Variants in M1AP observed in about 807,000 individuals in gnomAD.
The protein encoded by M1AP is meiosis 1 associated protein, also known as meiosis 1 arrest protein.
A neutral mutation model predicts 51.2 loss-of-function variants in M1AP; 39 were observed. The observed-to-expected ratio is 0.76, with a 90% CI of 0.59 to 1.00. The LOEUF (loss-of-function observed/expected upper bound fraction) is 1.00. M1AP is among the 50% of genes least tolerant of loss of function. M1AP has a pLI of 0.00. For missense variants in M1AP, 545 were observed against 641.2 expected, an observed-to-expected ratio of 0.85 and a Z score of 1.62; for synonymous variants, 251 against 249.2, an observed-to-expected ratio of 1.01 and a Z score of -0.07.
rs1255397746 is a variant in M1AP at position 74,628,651 on chromosome 2, C to T, written c.240+11385G>A. Reference sequence around the variant, plus strand: ...AACACCCAATGGTTCTTTCCATCTTCATCAATGTGACTCCACCAACATAGG... The same window carrying T: ...AACACCCAATGGTTCTTTCCATCTTTATCAATGTGACTCCACCAACATAGG... On this transcript the variant is annotated intron_variant, in intron 2 of 10. Coordinates refer to ENST00000421985, the MANE Select transcript of M1AP (RefSeq NM_001321739.2). 1.1e-5 allele frequency: 8 copies of T among 702,498 alleles called. No individual in the cohort carries two copies. In the East Asian group the frequency reaches 3.6e-4, roughly 32 times the overall value. The allele number at this position is 702,498 out of a possible 1,614,324, so 43.5% of individuals were successfully genotyped here. A position where few individuals can be genotyped will look rare whatever the true frequency, so the allele number is the denominator to read the frequency against.
In M1AP at chr2:74,618,754, T is replaced by C. The variant is rs77151851; in HGVS notation, c.241-3605A>G. On this transcript the variant is annotated intron_variant, in intron 2 of 10. Transcript: ENST00000421985. Reference sequence around the variant, plus strand: ...TATCCCGAAAGTTCACAGGTGCAAATGTGCCAAACCCCAAAGAAGTCTTCA... The same window carrying C: ...TATCCCGAAAGTTCACAGGTGCAAACGTGCCAAACCCCAAAGAAGTCTTCA... 1.3e-5 allele frequency: 3 copies of C among 234,464 alleles called. No homozygotes were observed. The East Asian group carries it at 3.5e-4, about 28-fold the overall frequency. The allele number at this position is 234,464 out of a possible 1,614,324, so 14.5% of individuals were successfully genotyped here.
At chr2:74,599,578 G>A (rs55687263) in intron 4 of M1AP, among the ~76,000 whole-genome samples, 6,077 of 151,972 alleles carry the variant, frequency 0.04, 404 homozygotes, top group African/African-American at 0.14. Context: ...GGCTGTTTCT[G>A]GACTTCTCTA....
chr2:74,577,534 C>T (rs758720760), intron 5 of M1AP, among the ~76,000 whole-genome samples: 8 of 152,150 alleles, frequency 5.3e-5, no homozygotes, highest in Non-Finnish European at 1.0e-4. Context: ...AATGACTGTA[C>T]TAACTGCAAT....
chr2:74,644,408 C>T (rs1396885935), intron 1 of M1AP, among the ~76,000 whole-genome samples: 1 of 152,004 alleles, frequency 6.6e-6, no homozygotes, highest in East Asian at 1.9e-4. Context: ...CGTGGTAGCA[C>T]GCGCTTGTAA....
At chr2:74,602,263 T>C (rs1680720688) in intron 4 of M1AP, among the ~76,000 whole-genome samples, 1 of 152,174 alleles carries the variant, frequency 6.6e-6, no homozygotes, top group Non-Finnish European at 1.5e-5. Context: ...GAATCTACTG[T>C]GTGCCAAGTG....
intron 4 of M1AP, among the ~76,000 whole-genome samples, chr2:74,586,771 C>T (rs1008519357): frequency 3.3e-5 from 5 of 152,052 alleles, no homozygotes; most frequent in East Asian, 1.9e-4. Flanking sequence ...GAGGCTGAGG[C>T]GGGCAGATCA....
intron 7 of M1AP, among the ~76,000 whole-genome samples, chr2:74,563,900 G>A (rs1260019480): frequency 1.3e-5 from 2 of 152,080 alleles, no homozygotes; most frequent in Non-Finnish European, 2.9e-5. Flanking sequence ...TTTTGTGGTA[G>A]CTTTTCAACA....
rs1459749606 is a variant in M1AP, at chr2:74,608,934, T to C, written c.427-1711A>G. 2.0e-5 allele frequency among the ~76,000 whole-genome samples: 3 copies of C among 152,270 alleles called. No homozygotes were observed. In the East Asian group the frequency reaches 5.8e-4, roughly 29 times the overall value. On this transcript the variant is annotated intron_variant, in intron 3 of 10. Coordinates refer to ENST00000421985, the MANE Select transcript of M1AP (RefSeq NM_001321739.2). Reference sequence around the variant, plus strand: ...TGGTCCATTTTTTAAAGTTTTATTTTGTTTTTAATTGACACATAATAATTG... The same window carrying C: ...TGGTCCATTTTTTAAAGTTTTATTTCGTTTTTAATTGACACATAATAATTG...
intron 4 of M1AP, among the ~76,000 whole-genome samples, chr2:74,596,194 C>G (rs1035864997): frequency 1.3e-5 from 2 of 152,112 alleles, no homozygotes; most frequent in Non-Finnish European, 2.9e-5. Flanking sequence ...AGACATAAAG[C>G]AAGACCCAGC....
chr2:74,575,490 T>G lies in M1AP; in HGVS notation c.1022A>C (p.Asp341Ala). 6.2e-7 allele frequency: 1 copy of G among 1,614,164 alleles called. No homozygotes were observed. The highest frequency in any genetic ancestry group is 8.5e-7 in the Non-Finnish European group (1 of 1,180,014). ...ATGTTGCTGATTTGTCTCCAGCTCATCCCAGTCCAGCTGCCAACAGCTTGT... is the reference window on the plus strand; with the variant it reads ...ATGTTGCTGATTTGTCTCCAGCTCAGCCCAGTCCAGCTGCCAACAGCTTGT... Reference protein sequence around the residue: ...RPTSCWQLDWDELETNQQHFH... With the variant: ...RPTSCWQLDWAELETNQQHFH... The change falls in exon 7 of 11, where the codon GAT (aspartate) becomes GCT (alanine). Residue 341 changes from aspartate to alanine, a missense_variant. By Grantham distance (126) the Asp-to-Ala change is moderately radical. Coordinates refer to ENST00000421985, the MANE Select transcript of M1AP (RefSeq NM_001321739.2).
intron 8 of M1AP, among the ~76,000 whole-genome samples, chr2:74,561,199 A>AAGGAGGAGGAGGAGG (rs770407711): frequency 2.6e-4 from 9 of 34,910 alleles, no homozygotes; most frequent in Non-Finnish European, 5.1e-4. Flanking sequence ...GGAGGAGGAG[A>AAGGAGGAGGAGGAGG]AGGAGGAGGA....
intron 1 of M1AP, among the ~76,000 whole-genome samples, chr2:74,643,113 C>T (rs571243225): frequency 1.3e-5 from 2 of 151,576 alleles, no homozygotes; most frequent in African/African-American, 4.8e-5. Flanking sequence ...TTTTTTTGTT[C>T]TTAATCATAT....
chr2:74,606,607 T>C (rs964451790), intron 4 of M1AP, among the ~76,000 whole-genome samples: 1 of 152,036 alleles, frequency 6.6e-6, no homozygotes, highest in Non-Finnish European at 1.5e-5. Flanking sequence ...TGTGCATATA[T>C]ATATATATAT....
intron 2 of M1AP, among the ~76,000 whole-genome samples, chr2:74,620,083 C>T (rs1681914672): frequency 6.6e-6 from 1 of 152,212 alleles, no homozygotes; most frequent in Non-Finnish European, 1.5e-5. Flanking sequence ...CAAACACTCA[C>T]TTTCACTTCC....
chr2:74,562,537 A>C (rs1206958205), intron 7 of M1AP, 114 bp from the exon 8 acceptor site: 5 of 1,139,322 alleles, frequency 4.4e-6, no homozygotes, highest in Non-Finnish European at 6.2e-6. Flanking sequence ...GGGCAGAGCC[A>C]TTTAACTTCG....
At chr2:74,644,947 C>A (rs529381554) in intron 1 of M1AP, among the ~76,000 whole-genome samples, 3 of 152,068 alleles carry the variant, frequency 2.0e-5, no homozygotes, top group Admixed American at 6.5e-5. Flanking sequence ...CATCTGAAAA[C>A]GCCATTTTAA....
intron 2 of M1AP, among the ~76,000 whole-genome samples, chr2:74,623,516 AAAG>A (rs1454783581): frequency 3.9e-4 from 60 of 152,004 alleles, no homozygotes; most frequent in African/African-American, 1.3e-3. Flanking sequence ...AAAAAAAAAA[AAAG>A]AGAGAGAGAG....
At chr2:74,577,819 C>T (rs770122752) in intron 5 of M1AP, among the ~76,000 whole-genome samples, 2 of 152,198 alleles carry the variant, frequency 1.3e-5, no homozygotes, top group Non-Finnish European at 2.9e-5. Flanking sequence ...TAGGACTGGA[C>T]AGCTGTGTTC....
intron 1 of M1AP, chr2:74,648,051 G>C: frequency 1.0e-6 from 1 of 985,532 alleles, no homozygotes; most frequent in South Asian, 4.7e-5. Flanking sequence ...CTCCGCGCAG[G>C]CCTGGCCGCC....
Sources: gnomAD v4.1 joint callset for allele counts (sites outside exome capture counted in the v4.1 genomes callset) on GRCh38, gnomAD v4.1.1 for gene constraint, MANE v1.5 for transcripts, NCBI Gene and HGNC (gene_info 2026-07-23, HGNC 2026-07-21) for gene names.